Variants in KCNAB1 observed in about 807,000 individuals in gnomAD.
The protein encoded by KCNAB1 is potassium voltage-gated channel subfamily A regulatory beta subunit 1.
Under a neutral mutation model 64.6 loss-of-function variants are expected in KCNAB1, and 35 were observed. The ratio of observed to expected loss-of-function variants is 0.54; its 90% confidence interval spans 0.41 to 0.72. The LOEUF is 0.72. Ranked by LOEUF, KCNAB1 falls within the 30% of genes least tolerant of loss-of-function variation. The pLI, the probability that KCNAB1 is intolerant of heterozygous loss-of-function variation, is 0.00. For synonymous variants in KCNAB1, 177 were observed against 183.8 expected (o/e 0.96, Z 0.30); for missense variants, 401 against 512.9 (o/e 0.78, Z 2.11).
chr3:156,434,729 C>CA (rs1553745996), intron 2 of KCNAB1, among the ~76,000 whole-genome samples: 3 of 151,908 alleles, frequency 2.0e-5, no homozygotes, highest in Non-Finnish European at 4.4e-5. Context: ...ATGAAATAAA[C>CA]AAACTAGAAT....
intron 5 of KCNAB1, among the ~76,000 whole-genome samples, chr3:156,460,907 T>TA (rs1712852764): frequency 1.3e-5 from 2 of 152,190 alleles, no homozygotes; most frequent in Non-Finnish European, 2.9e-5. Context: ...AAACTTTTGG[T>TA]AGGAATAGAG....
At chr3:156,418,339 G>C (rs1213624401) in intron 1 of KCNAB1, among the ~76,000 whole-genome samples, 1 of 152,170 alleles carries the variant, frequency 6.6e-6, no homozygotes, top group African/African-American at 2.4e-5. Flanking sequence ...TGAGATAAAG[G>C]TTCCAGGGTA....
intron 2 of KCNAB1, among the ~76,000 whole-genome samples, chr3:156,433,035 G>A (rs539826910): frequency 3.9e-5 from 6 of 152,246 alleles, no homozygotes; most frequent in South Asian, 2.1e-4. Context: ...CGACTGACTC[G>A]GTCATCCCTG....
At chr3:156,468,570 T>TA (rs1181622534) in intron 7 of KCNAB1, among the ~76,000 whole-genome samples, 4 of 152,180 alleles carry the variant, frequency 2.6e-5, no homozygotes, top group African/African-American at 9.7e-5. Flanking sequence ...TCTGTCTCCT[T>TA]AACTATAGAC....
At chr3:156,320,432 A>G (rs561764115) in intron 1 of KCNAB1, among the ~76,000 whole-genome samples, 3 of 152,330 alleles carry the variant, frequency 2.0e-5, no homozygotes, top group South Asian at 4.2e-4. Flanking sequence ...TCTTCGCCCA[A>G]ATATGTTTTA....
chr3:156,474,669 A>C (rs970264578), intron 7 of KCNAB1, 65 bp from the exon 8 acceptor site: 19 of 1,190,226 alleles, frequency 1.6e-5, no homozygotes, highest in Non-Finnish European at 2.3e-5. Flanking sequence ...GAAAGAAACC[A>C]AACTTCAACT....
At chr3:156,457,299 G>A (rs1434861874) in intron 3 of KCNAB1, 154 bp from the exon 4 acceptor site, 71 of 1,436,500 alleles carry the variant, frequency 4.9e-5, no homozygotes, top group Non-Finnish European at 6.1e-5. Flanking sequence ...GATACTGGCT[G>A]AGACTTCTTT....
intron 1 of KCNAB1, among the ~76,000 whole-genome samples, chr3:156,298,598 TC>T (rs1213963237): frequency 6.6e-6 from 1 of 152,222 alleles, no homozygotes; most frequent in Non-Finnish European, 1.5e-5. Context: ...AAATTCATAG[TC>T]TATCTTTAGT....
intron 1 of KCNAB1, among the ~76,000 whole-genome samples, chr3:156,310,922 A>G (rs1342006877): frequency 6.6e-6 from 1 of 152,220 alleles, no homozygotes; most frequent in East Asian, 1.9e-4. Flanking sequence ...TAGGGCAGCA[A>G]TTAGGGCCCA....
intron 1 of KCNAB1, among the ~76,000 whole-genome samples, chr3:156,296,476 C>CCTT (rs1560180770): frequency 3.6e-5 from 4 of 111,070 alleles, no homozygotes; most frequent in South Asian, 3.7e-4. Context: ...CCCCCCCCAC[C>CCTT]TTTTTTTTTT....
chr3:156,285,183 G>A (rs978961888), intron 1 of KCNAB1, among the ~76,000 whole-genome samples: 2 of 152,044 alleles, frequency 1.3e-5, no homozygotes, highest in South Asian at 2.1e-4. Context: ...ATGTGTACTC[G>A]GGTTGATATT....
chr3:156,363,650 A>G (rs1725757936), intron 1 of KCNAB1, among the ~76,000 whole-genome samples: 1 of 151,800 alleles, frequency 6.6e-6, no homozygotes, highest in Non-Finnish European at 1.5e-5. Context: ...TAATTTTTGT[A>G]TTTTTCAGTG....
intron 2 of KCNAB1, among the ~76,000 whole-genome samples, chr3:156,448,214 T>C (rs1711729902): frequency 6.6e-6 from 1 of 152,348 alleles, no homozygotes; most frequent in African/African-American, 2.4e-5. Flanking sequence ...GAAATAACAA[T>C]TGTCAGTTTA....
chr3:156,136,109 C>T (rs892763011), intron 1 of KCNAB1, among the ~76,000 whole-genome samples: 3 of 152,194 alleles, frequency 2.0e-5, no homozygotes. Context: ...CACTGCACAA[C>T]ACTAGGGGGC....
Position 156,450,424 on chromosome 3 carries a change from A to G in KCNAB1, c.320-2475A>G, listed in dbSNP as rs188801065. Among the ~76,000 whole-genome samples the G allele has an allele frequency of 8.3e-4, 127 of 152,300 alleles. 3 individuals carry two copies. The highest frequency in any genetic ancestry group is 6.8e-3 in the Middle Eastern group (2 of 294). On this transcript the variant is annotated intron_variant, in intron 2 of 13. Transcript: ENST00000490337. ...AAATAAATATAGTTAACAGTGTGCT[A>G]TTCTCTATATCTGTGTTCTCATTTG...
intron 1 of KCNAB1, among the ~76,000 whole-genome samples, chr3:156,204,247 C>T (rs1217261795): frequency 4.6e-5 from 7 of 152,204 alleles, no homozygotes; most frequent in Non-Finnish European, 7.4e-5. Context: ...CATGCACTCC[C>T]AGGTGGGGCG....
chr3:156,168,428 G>A (rs932246799), intron 1 of KCNAB1, among the ~76,000 whole-genome samples: 8 of 152,134 alleles, frequency 5.3e-5, no homozygotes, highest in African/African-American at 1.4e-4. Context: ...GCTGTAGGAA[G>A]CATTCCAGTT....
At chr3:156,491,312 C>T (rs181188222) in intron 8 of KCNAB1, among the ~76,000 whole-genome samples, 10 of 152,070 alleles carry the variant, frequency 6.6e-5, no homozygotes, top group Admixed American at 3.3e-4. Context: ...TGCAGCAGGA[C>T]GATGGAGGGC....
intron 2 of KCNAB1, among the ~76,000 whole-genome samples, chr3:156,447,518 C>T (rs188697958): frequency 3.5e-4 from 54 of 152,212 alleles, no homozygotes; most frequent in African/African-American, 1.1e-3. Flanking sequence ...ATTGCATTTA[C>T]ATATTCTCTT....
Sources: allele counts gnomAD v4.1 joint callset (sites outside exome capture counted in the v4.1 genomes callset), GRCh38; gene constraint gnomAD v4.1.1; transcripts MANE v1.5; gene names NCBI Gene and HGNC (gene_info 2026-07-23, HGNC 2026-07-21).